The following KANSL1 variants were observed in gnomAD, a reference collection of about 807,000 sequenced individuals.
KANSL1 encodes the protein MLL1/MLL complex subunit KANSL1.
In KANSL1, 22 loss-of-function variants were observed where a neutral mutation model predicts 103.6. The ratio of observed to expected loss-of-function variants is 0.21; its 90% CI spans 0.15 to 0.30. KANSL1 has a LOEUF of 0.30. Ranked by LOEUF, KANSL1 falls within the 10% of genes least tolerant of loss-of-function variation. The pLI, the probability that KANSL1 is intolerant of heterozygous loss-of-function variation, is 1.00. For missense variants in KANSL1, 1,337 were observed against 1,399.8 expected (o/e 0.96, Z 0.72); for synonymous variants, 600 against 527.6 (o/e 1.14, Z -1.88).
chr17:46,032,352 G>T (rs1211464512), intron 13 of KANSL1, 53 bp from the exon 14 acceptor site: 8 of 1,456,608 alleles, frequency 5.5e-6, no homozygotes, highest in Non-Finnish European at 7.3e-6. Context: ...TACTTATGGG[G>T]GTAGAGGGCA....
chr17:46,108,077 A>G (rs2042647788), intron 2 of KANSL1, among the ~76,000 whole-genome samples: 1 of 152,228 alleles, frequency 6.6e-6, no homozygotes, highest in Admixed American at 6.5e-5. Context: ...TCATGAACAT[A>G]GCAGCCAGCC....
chr17:46,043,309 A>G (rs2077392038), intron 7 of KANSL1: 1 of 151,372 alleles, frequency 6.6e-6, no homozygotes, highest in African/African-American at 2.4e-5. Flanking sequence ...GAAGCCAGGA[A>G]AAAAAAAAGG....
chr17:46,193,366 A>G lies in KANSL1; in HGVS notation c.-633T>C, dbSNP rs1402906807. ...GAGCGGTGGCGGCGGTGGCGGCGGC[A>G]CTGGGAAAATGGCGGCCGAGCTCCT... On this transcript the variant is annotated 5_prime_UTR_variant, in exon 1 of 15. Transcript: ENST00000432791. 1 of 151,176 alleles carries G rather than the reference A, an allele frequency of 6.6e-6. No homozygotes were observed. Among genetic ancestry groups the G allele is most frequent in the Non-Finnish European group, 1.4e-5 (1 of 69,020 alleles). The allele number at this position is 151,176 out of a possible 1,614,324, so 9.4% of individuals were successfully genotyped here.
chr17:46,217,918 T>C (rs1047699081), intron 1 of KANSL1, among the ~76,000 whole-genome samples: 1 of 152,026 alleles, frequency 6.6e-6, no homozygotes, highest in African/African-American at 2.4e-5. Flanking sequence ...CCCAGCTACT[T>C]AGGAGGCTAA....
chr17:46,131,081 T>C (rs1337247202), intron 2 of KANSL1, among the ~76,000 whole-genome samples: 2 of 152,232 alleles, frequency 1.3e-5, no homozygotes, highest in Non-Finnish European at 2.9e-5. Flanking sequence ...CACCTCATTA[T>C]AGATACTCAA....
intron 2 of KANSL1, among the ~76,000 whole-genome samples, chr17:46,160,881 G>A (rs2045699335): frequency 6.6e-6 from 1 of 152,176 alleles, no homozygotes; most frequent in Non-Finnish European, 1.5e-5. Flanking sequence ...AAAGAGCCTA[G>A]ATTATTATCT....
At chr17:46,128,893 G>A (rs993903688) in intron 2 of KANSL1, among the ~76,000 whole-genome samples, 11 of 152,164 alleles carry the variant, frequency 7.2e-5, no homozygotes, top group Admixed American at 3.3e-4. Flanking sequence ...ATGTGTTATC[G>A]ACACACTATA....
At chr17:46,215,462 C>T (rs1198444613) in intron 1 of KANSL1, among the ~76,000 whole-genome samples, 2 of 152,086 alleles carry the variant, frequency 1.3e-5, no homozygotes, top group Middle Eastern at 3.2e-3. Context: ...ATGTTGGCAG[C>T]GACTTGGAAG....
intron 2 of KANSL1, among the ~76,000 whole-genome samples, chr17:46,101,744 A>C: frequency 7.9e-6 from 1 of 127,260 alleles, no homozygotes; most frequent in Non-Finnish European, 1.6e-5. Context: ...ACAGAGCAAG[A>C]CTCTGTCTAC....
At chr17:46,152,156 T>G (rs959474151) in intron 2 of KANSL1, among the ~76,000 whole-genome samples, 2 of 152,172 alleles carry the variant, frequency 1.3e-5, no homozygotes, top group Admixed American at 1.3e-4. Flanking sequence ...AACTATGAAT[T>G]TTGAGGGAAT....
intron 4 of KANSL1, among the ~76,000 whole-genome samples, chr17:46,074,462 A>G (rs1373300520): frequency 6.6e-6 from 1 of 152,198 alleles, no homozygotes; most frequent in African/African-American, 2.4e-5. Flanking sequence ...CAACACAGCA[A>G]TAATTGCTGT....
At chr17:46,035,960 G>A (rs141144365) in intron 10 of KANSL1, 1 of 151,792 alleles carries the variant, frequency 6.6e-6, no homozygotes, top group East Asian at 1.9e-4. Context: ...ATAGAGAGCA[G>A]GTGATGAGAA....
At chr17:46,118,193 C>G (rs1032288065) in intron 2 of KANSL1, among the ~76,000 whole-genome samples, 11 of 152,204 alleles carry the variant, frequency 7.2e-5, no homozygotes, top group South Asian at 2.1e-4. Flanking sequence ...ATGTTCCCGA[C>G]GTTAGTTTTA....
chr17:46,073,969 C>T (rs948472601), intron 4 of KANSL1, among the ~76,000 whole-genome samples: 1 of 151,954 alleles, frequency 6.6e-6, no homozygotes. Context: ...TATATATATA[C>T]AGGTTAAGTA....
At chr17:46,115,628 G>A (rs1438924229) in intron 2 of KANSL1, among the ~76,000 whole-genome samples, 1 of 152,132 alleles carries the variant, frequency 6.6e-6, no homozygotes, top group Non-Finnish European at 1.5e-5. Context: ...TAAAAACAAG[G>A]CTTTACTATG....
intron 1 of KANSL1, among the ~76,000 whole-genome samples, chr17:46,183,461 G>A (rs1192104452): frequency 6.6e-6 from 1 of 152,058 alleles, no homozygotes; most frequent in Non-Finnish European, 1.5e-5. Context: ...GGTCACTTGA[G>A]CCTGGCGGGT....
chr17:46,102,034 C>T (rs976031060), intron 2 of KANSL1, among the ~76,000 whole-genome samples: 3 of 152,056 alleles, frequency 2.0e-5, no homozygotes, highest in East Asian at 1.9e-4. Flanking sequence ...GTGACATTAC[C>T]ACCAAATTTA....
chr17:46,090,490 T>C, intron 3 of KANSL1, among the ~76,000 whole-genome samples: 1 of 152,264 alleles, frequency 6.6e-6, no homozygotes, highest in East Asian at 1.9e-4. Flanking sequence ...ATCGGAACTC[T>C]GAGAAGTAAA....
At chr17:46,178,793 C>G (rs1419862522) in intron 1 of KANSL1, among the ~76,000 whole-genome samples, 2 of 152,174 alleles carry the variant, frequency 1.3e-5, no homozygotes, top group East Asian at 3.8e-4. Context: ...ACTTTTTTAA[C>G]AAGCACCTTT....
Sources: gnomAD v4.1 joint callset for allele counts (sites outside exome capture counted in the v4.1 genomes callset) on GRCh38, gnomAD v4.1.1 for gene constraint, MANE v1.5 for transcripts, NCBI Gene and HGNC (gene_info 2026-07-23, HGNC 2026-07-21) for gene names.